The following CAPZB variants were observed in gnomAD, a reference collection of about 807,000 sequenced individuals.
The protein encoded by CAPZB is capping actin protein of muscle Z-line subunit beta, also known as F-actin-capping protein subunit beta.
In CAPZB, 2 loss-of-function variants were observed where a neutral mutation model predicts 38.1. The observed-to-expected ratio is 0.05, with a 90% CI of 0.02 to 0.17. The LOEUF (loss-of-function observed/expected upper bound fraction) is 0.17, where lower values mean the gene tolerates loss of function less well. CAPZB is among the 10% of genes least tolerant of loss of function. The probability of loss-of-function intolerance (pLI) is 1.00; values close to 1 mark genes in which losing one functional copy is unlikely to be tolerated. For missense variants in CAPZB, 161 were observed against 334.2 expected (o/e 0.48, Z 4.04); for synonymous variants, 107 against 127.4 (o/e 0.84, Z 1.08).
chr1:19,460,634 A>AG (rs1407576298), intron 1 of CAPZB, among the ~76,000 whole-genome samples: 1 of 136,406 alleles, frequency 7.3e-6, no homozygotes, highest in African/African-American at 2.8e-5. Flanking sequence ...GCTGGTCTCA[A>AG]GCTCCTGAGC....
intron 4 of CAPZB, among the ~76,000 whole-genome samples, chr1:19,363,485 A>G (rs1319275724): frequency 2.0e-5 from 3 of 152,226 alleles, no homozygotes; most frequent in Admixed American, 6.5e-5. Flanking sequence ...CCAGTTGAAT[A>G]ATGTCATAGT....
chr1:19,374,701 A>G (rs1003576960), intron 4 of CAPZB, among the ~76,000 whole-genome samples: 3 of 152,078 alleles, frequency 2.0e-5, no homozygotes, highest in African/African-American at 7.2e-5. Flanking sequence ...GGCCGGGGAC[A>G]CCAGCCACTT....
chr1:19,395,344 T>C (rs971394478), intron 2 of CAPZB, among the ~76,000 whole-genome samples: 3 of 152,218 alleles, frequency 2.0e-5, no homozygotes, highest in African/African-American at 7.2e-5. Flanking sequence ...AAAGAGCTTT[T>C]TCAGGAAACG....
At chr1:19,477,527 C>A (rs965842415) in intron 1 of CAPZB, among the ~76,000 whole-genome samples, 1 of 152,228 alleles carries the variant, frequency 6.6e-6, no homozygotes, top group African/African-American at 2.4e-5. Flanking sequence ...CTTCCAGTTT[C>A]TGAGCACAAA....
At chr1:19,473,928 T>C (rs1438861633) in intron 1 of CAPZB, among the ~76,000 whole-genome samples, 1 of 152,094 alleles carries the variant, frequency 6.6e-6, no homozygotes, top group Non-Finnish European at 1.5e-5. Context: ...AATGATGGAA[T>C]TCCTATGGAC....
At chr1:19,432,408 CT>C (rs1437982226) in intron 1 of CAPZB, among the ~76,000 whole-genome samples, 1 of 152,076 alleles carries the variant, frequency 6.6e-6, no homozygotes, top group Non-Finnish European at 1.5e-5. Context: ...CACCACCGCA[CT>C]CCAGCCTGGG....
At position 19,382,106 on chromosome 1, in the gene CAPZB, G is replaced by A. The variant is rs566173623; in HGVS notation, c.215+3399C>T. Among the ~76,000 whole-genome samples, 615 of 152,218 alleles carry A rather than the reference G, an allele frequency of 4.0e-3. 2 individuals are homozygous for A. The highest frequency in any genetic ancestry group is 0.013 in the African/African-American group (538 of 41,540). ...GCTGGGAAGACCCGACCCAAGTGGC[G>A]TTCATTTCAAGGCACCCTGATTAGA... On this transcript the variant is annotated intron_variant, in intron 3 of 8. Transcript: ENST00000264202.
At chr1:19,423,756 C>T (rs181616368) in intron 1 of CAPZB, among the ~76,000 whole-genome samples, 104 of 151,968 alleles carry the variant, frequency 6.8e-4, no homozygotes, top group Non-Finnish European at 1.2e-3. Flanking sequence ...AGCACAATGT[C>T]GGCTCACTGT....
At chr1:19,352,952 C>T (rs1175670725) in intron 6 of CAPZB, among the ~76,000 whole-genome samples, 5 of 152,210 alleles carry the variant, frequency 3.3e-5, no homozygotes, top group East Asian at 3.9e-4. Context: ...CACTGGGGCA[C>T]GAGTGGGCAC....
intron 1 of CAPZB, among the ~76,000 whole-genome samples, chr1:19,437,109 C>T (rs569904547): frequency 6.6e-6 from 1 of 152,198 alleles, no homozygotes; most frequent in Non-Finnish European, 1.5e-5. Context: ...TGCTCAGTTT[C>T]TCAGAAAGGT....
At chr1:19,438,140 G>A (rs528360410) in intron 1 of CAPZB, among the ~76,000 whole-genome samples, 4 of 152,296 alleles carry the variant, frequency 2.6e-5, no homozygotes, top group African/African-American at 9.6e-5. Context: ...CTCACTTAGA[G>A]GATCGTGGGA....
intron 2 of CAPZB, among the ~76,000 whole-genome samples, chr1:19,396,248 GGTGGGATGGT>G (rs2094268344): frequency 6.6e-6 from 1 of 152,210 alleles, no homozygotes. Flanking sequence ...CTGAAGCGTT[GGTGGGATGGT>G]GTGGGATGGT....
chr1:19,349,128 C>G (rs750153974), intron 6 of CAPZB, among the ~76,000 whole-genome samples: 3 of 152,172 alleles, frequency 2.0e-5, no homozygotes, highest in Admixed American at 1.3e-4. Context: ...TAGCAAAACC[C>G]TGGTGCCAAG....
chr1:19,379,136 T>C (rs1317978413), intron 3 of CAPZB, among the ~76,000 whole-genome samples: 9 of 150,198 alleles, frequency 6.0e-5, no homozygotes, highest in Non-Finnish European at 1.2e-4. Context: ...TCTAGCTCTG[T>C]CGCCCAGGCT....
rs2094013208 is a variant in CAPZB at position 19,355,115 on chromosome 1, A to G, written c.588+1520T>C. Among the ~76,000 whole-genome samples, 7 of 152,264 alleles carry G rather than the reference A, an allele frequency of 4.6e-5. No homozygotes were observed. In the South Asian group the frequency reaches 1.0e-3, roughly 23 times the overall value. Reference sequence around the variant, plus strand: ...AGGTGGAGGGAGGGTCCCAGGTATGACGGCTGACATTCACCTTGCGCCACT... The same window carrying G: ...AGGTGGAGGGAGGGTCCCAGGTATGGCGGCTGACATTCACCTTGCGCCACT... On this transcript the variant is annotated intron_variant, in intron 6 of 8. Transcript: ENST00000264202.
intron 4 of CAPZB, among the ~76,000 whole-genome samples, chr1:19,366,583 G>A (rs1049060359): frequency 3.3e-5 from 5 of 152,020 alleles, no homozygotes; most frequent in African/African-American, 1.2e-4. Context: ...AGTTACTCAG[G>A]AGGCTGAGAC....
intron 3 of CAPZB, among the ~76,000 whole-genome samples, chr1:19,381,527 T>C (rs2094174589): frequency 1.3e-5 from 2 of 152,094 alleles, no homozygotes; most frequent in Admixed American, 6.6e-5. Flanking sequence ...AACCAAGAGA[T>C]GGAGCAGCTT....
At chr1:19,422,145 G>A (rs1044982902) in intron 1 of CAPZB, among the ~76,000 whole-genome samples, 14 of 152,214 alleles carry the variant, frequency 9.2e-5, no homozygotes, top group African/African-American at 1.4e-4. Context: ...TTTTGCACAC[G>A]TGCACACACA....
chr1:19,422,774 C>A (rs2094406715), intron 1 of CAPZB, among the ~76,000 whole-genome samples: 1 of 150,930 alleles, frequency 6.6e-6, no homozygotes, highest in Non-Finnish European at 1.5e-5. Flanking sequence ...CCACACATAA[C>A]CCCTAAAAAT....
Sources: gnomAD v4.1 joint callset for allele counts (sites outside exome capture counted in the v4.1 genomes callset) on GRCh38, gnomAD v4.1.1 for gene constraint, MANE v1.5 for transcripts, NCBI Gene and HGNC (gene_info 2026-07-23, HGNC 2026-07-21) for gene names.